Variants in FBXO15 observed in about 807,000 individuals in gnomAD.
The protein encoded by FBXO15 is F-box only protein 15.
Under a neutral mutation model 49.5 loss-of-function variants are expected in FBXO15, and 30 were observed. That is an observed-to-expected ratio of 0.61 (90% CI 0.45 to 0.82). The LOEUF is 0.82. Among genes scored for constraint, FBXO15 ranks in the 40% least tolerant of loss-of-function variants. FBXO15 has a pLI of 0.00. For missense variants in FBXO15, 591 were observed against 631.5 expected, an observed-to-expected ratio of 0.94 and a Z score of 0.69; for synonymous variants, 250 against 232.7, an observed-to-expected ratio of 1.07 and a Z score of -0.68.
chr18:74,144,805 C>T (rs9952865), intron 1 of FBXO15, among the ~76,000 whole-genome samples: 13,350 of 152,144 alleles, frequency 0.088, 1,082 homozygotes, highest in African/African-American at 0.21. Flanking sequence ...AGAAGCACAG[C>T]GCCAGGGTGC....
chr18:74,084,820 C>T (rs1194702633), intron 8 of FBXO15, among the ~76,000 whole-genome samples: 1 of 152,096 alleles, frequency 6.6e-6, no homozygotes, highest in Non-Finnish European at 1.5e-5. Context: ...AAGTTCCGAA[C>T]TCAGTAAAAT....
At chr18:74,135,891 A>G (rs778503324) in intron 2 of FBXO15, 25 bp from the exon 3 acceptor site, 1 of 1,587,302 alleles carries the variant, frequency 6.3e-7, no homozygotes, top group Non-Finnish European at 8.6e-7. Flanking sequence ...AAAGAAAAAA[A>G]AAATCACCAG....
intron 8 of FBXO15, among the ~76,000 whole-genome samples, chr18:74,118,847 G>A (rs1174796030): frequency 6.6e-6 from 1 of 152,198 alleles, no homozygotes; most frequent in Non-Finnish European, 1.5e-5. Flanking sequence ...AAAGTACTCT[G>A]CCAGACGTTG....
intron 8 of FBXO15, among the ~76,000 whole-genome samples, chr18:74,094,118 T>C (rs187746826): frequency 1.6e-4 from 25 of 152,362 alleles, no homozygotes; most frequent in African/African-American, 5.5e-4. Context: ...AGATGTATTC[T>C]CAATGAGCAG....
chr18:74,093,780 T>C (rs746211277), intron 8 of FBXO15, among the ~76,000 whole-genome samples: 1 of 152,206 alleles, frequency 6.6e-6, no homozygotes, highest in African/African-American at 2.4e-5. Context: ...CTCCTGTTAA[T>C]GTTGATATTT....
At chr18:74,081,183 A>T (rs1220279697) in intron 9 of FBXO15, among the ~76,000 whole-genome samples, 1 of 152,228 alleles carries the variant, frequency 6.6e-6, no homozygotes, top group Non-Finnish European at 1.5e-5. Flanking sequence ...CCCAGTCGTC[A>T]TCATTAATAG....
At chr18:74,127,189 TC>T (rs762831878) in intron 5 of FBXO15, among the ~76,000 whole-genome samples, 4 of 152,180 alleles carry the variant, frequency 2.6e-5, no homozygotes, top group Non-Finnish European at 5.9e-5. Context: ...CCTGCTAGTA[TC>T]ATTAATGTGG....
chr18:74,123,009 C>T (rs939772519), intron 8 of FBXO15: 12 of 175,458 alleles, frequency 6.8e-5, no homozygotes, highest in African/African-American at 1.4e-4. Context: ...CATCCTGGAG[C>T]GGCACGGGCC....
chr18:74,135,173 C>G (rs1012502632), intron 3 of FBXO15, among the ~76,000 whole-genome samples: 4 of 152,160 alleles, frequency 2.6e-5, no homozygotes, highest in Non-Finnish European at 5.9e-5. Flanking sequence ...CCCTGCAAGA[C>G]CAGATGACCA....
chr18:74,097,733 C>T (rs867036176), intron 8 of FBXO15: 21 of 152,378 alleles, frequency 1.4e-4, no homozygotes, highest in African/African-American at 4.6e-4. Flanking sequence ...CCCCACCTAC[C>T]ACCTGATCCT....
chr18:74,109,216 T>C (rs1427936748), intron 8 of FBXO15, among the ~76,000 whole-genome samples: 5 of 152,016 alleles, frequency 3.3e-5, no homozygotes, highest in Admixed American at 6.6e-5. Context: ...ATACAGCCAA[T>C]AGACATATGA....
chr18:74,106,615 G>A (rs545867911), intron 8 of FBXO15, among the ~76,000 whole-genome samples: 1 of 152,222 alleles, frequency 6.6e-6, no homozygotes, highest in South Asian at 2.1e-4. Flanking sequence ...TTAAGAGGTG[G>A]TACTGAAGTC....
At chr18:74,100,247 A>G (rs536669237) in intron 8 of FBXO15, among the ~76,000 whole-genome samples, 1 of 152,330 alleles carries the variant, frequency 6.6e-6, no homozygotes, top group South Asian at 2.1e-4. Context: ...AAAAACGGAA[A>G]TCAACTCCAA....
At chr18:74,132,557 G>A (rs1978459895) in intron 3 of FBXO15, among the ~76,000 whole-genome samples, 2 of 152,172 alleles carry the variant, frequency 1.3e-5, no homozygotes, top group Admixed American at 6.5e-5. Flanking sequence ...GTGAACCTAA[G>A]TGAAAACATT....
At chr18:74,082,592 T>C (rs1015496799) in intron 8 of FBXO15, among the ~76,000 whole-genome samples, 1 of 152,224 alleles carries the variant, frequency 6.6e-6, no homozygotes, top group Non-Finnish European at 1.5e-5. Flanking sequence ...GGCCCTCTGC[T>C]GCCAGCTCCA....
intron 1 of FBXO15, chr18:74,147,256 G>T (rs1391499611): frequency 6.5e-6 from 1 of 154,820 alleles, no homozygotes; most frequent in Non-Finnish European, 1.4e-5. Flanking sequence ...TTGATGAACA[G>T]ACTCTACTTC....
rs1406978025 is a variant in FBXO15, at chr18:74,075,745, T to C, written c.1264-2015A>G. ...GAACAGTGAAGAGTAATTCTACCTCTCCAAATGCATCCAGAACCCACAAGC... is the reference window on the plus strand; with the variant it reads ...GAACAGTGAAGAGTAATTCTACCTCCCCAAATGCATCCAGAACCCACAAGC... On this transcript the variant is annotated intron_variant, in intron 9 of 9. Coordinates refer to ENST00000419743, the MANE Select transcript of FBXO15 (RefSeq NM_001142958.2). The surrounding 1 kb of genome is among the most constrained non-coding windows in gnomAD (Gnocchi z 4.1). 6.6e-6 allele frequency among the ~76,000 whole-genome samples: 1 copy of C among 152,116 alleles called. No individual in the cohort carries two copies. The highest frequency in any genetic ancestry group is 1.5e-5 in the Non-Finnish European group (1 of 68,012).
At chr18:74,106,326 G>A (rs73969113) in intron 8 of FBXO15, among the ~76,000 whole-genome samples, 7,277 of 152,102 alleles carry the variant, frequency 0.048, 601 homozygotes, top group African/African-American at 0.16. Context: ...AAACCTCTGA[G>A]ATTCAAAACA....
intron 8 of FBXO15, among the ~76,000 whole-genome samples, chr18:74,086,726 T>C (rs1912757764): frequency 6.6e-6 from 1 of 152,210 alleles, no homozygotes; most frequent in Admixed American, 6.5e-5. Context: ...GAATAGTTTT[T>C]AATTGGTATT....
Sources: gnomAD v4.1 joint callset for allele counts (sites outside exome capture counted in the v4.1 genomes callset) on GRCh38, gnomAD v4.1.1 for gene constraint, Gnocchi (gnomAD v3.1) non-coding constraint, MANE v1.5 for transcripts, NCBI Gene and HGNC (gene_info 2026-07-23, HGNC 2026-07-21) for gene names.